The following WIPF2 variants were observed in gnomAD, a reference collection of about 807,000 sequenced individuals.
WIPF2 encodes WAS/WASL-interacting protein family member 2.
WIPF2 carries 23 observed loss-of-function variants against 38.8 expected under a neutral mutation model. The observed-to-expected ratio is 0.59, with a 90% CI of 0.43 to 0.84. The LOEUF (loss-of-function observed/expected upper bound fraction) is 0.84. Ranked by LOEUF, WIPF2 falls within the 40% of genes least tolerant of loss-of-function variation. WIPF2 has a pLI of 0.00. For missense variants in WIPF2, 574 were observed against 580.5 expected, an observed-to-expected ratio of 0.99 and a Z score of 0.11; for synonymous variants, 210 against 223.2, an observed-to-expected ratio of 0.94 and a Z score of 0.53.
chr17:40,227,640 G>A (rs1171100914), intron 1 of WIPF2, among the ~76,000 whole-genome samples: 1 of 151,788 alleles, frequency 6.6e-6, no homozygotes, highest in African/African-American at 2.4e-5. Flanking sequence ...ATCACCTGAG[G>A]TCAGAAGTTG....
chr17:40,250,219 G>GGTTTT (rs2071628747), intron 1 of WIPF2, among the ~76,000 whole-genome samples: 1 of 62,508 alleles, frequency 1.6e-5, no homozygotes, highest in Non-Finnish European at 3.1e-5. Flanking sequence ...ATTTTATCAT[G>GGTTTT]TTTTTTTTTT....
chr17:40,269,019 C>CA (rs1020746466), intron 5 of WIPF2, among the ~76,000 whole-genome samples: 9 of 151,750 alleles, frequency 5.9e-5, no homozygotes, highest in Admixed American at 3.3e-4. Flanking sequence ...CCCATTACTA[C>CA]AAAAAATAAA....
intron 5 of WIPF2, among the ~76,000 whole-genome samples, chr17:40,270,788 C>T (rs1478203563): frequency 6.6e-6 from 1 of 152,042 alleles, no homozygotes. Flanking sequence ...TCCCCTGTTT[C>T]TACTGAACAA....
At chr17:40,272,474 T>G (rs1237171568) in intron 5 of WIPF2, among the ~76,000 whole-genome samples, 1 of 152,232 alleles carries the variant, frequency 6.6e-6, no homozygotes, top group African/African-American at 2.4e-5. Flanking sequence ...AGACTGTTAC[T>G]GGACATATGT....
chr17:40,273,677 A>G (rs1478816595), intron 5 of WIPF2, 113 bp from the exon 6 acceptor site: 2 of 679,098 alleles, frequency 2.9e-6, no homozygotes, highest in Non-Finnish European at 5.3e-6. Context: ...AAGGGGAACC[A>G]GGCACTGTGA....
intron 1 of WIPF2, among the ~76,000 whole-genome samples, chr17:40,256,135 A>G (rs1315481040): frequency 6.6e-6 from 1 of 151,838 alleles, no homozygotes; most frequent in African/African-American, 2.4e-5. Context: ...CAAGGCCTAA[A>G]TAGACACCTT....
chr17:40,240,343 G>A (rs764723036), intron 1 of WIPF2, among the ~76,000 whole-genome samples: 1 of 152,012 alleles, frequency 6.6e-6, no homozygotes, highest in Non-Finnish European at 1.5e-5. Flanking sequence ...GGGATTACAG[G>A]TGTGAGCCAC....
chr17:40,260,519 T>C lies in WIPF2; in HGVS notation c.64-16T>C. The stretch of plus-strand genomic sequence containing the variant: ...GGAACTCTTTAGGGTGAACTTATAT[T>C]TCTCTTATCCTCCAGGCAAACACAG... On this transcript the variant is annotated splice_polypyrimidine_tract_variant and intron_variant, in intron 2 of 7. Coordinates refer to ENST00000323571, the MANE Select transcript of WIPF2 (RefSeq NM_133264.5). 1 of 1,613,092 alleles carries C rather than the reference T, an allele frequency of 6.2e-7. No homozygotes were observed. The highest frequency in any genetic ancestry group is 8.5e-7 in the Non-Finnish European group (1 of 1,179,470).
chr17:40,234,787 G>A (rs966024001), intron 1 of WIPF2, among the ~76,000 whole-genome samples: 1 of 152,104 alleles, frequency 6.6e-6, no homozygotes. Flanking sequence ...ACCAAAACAG[G>A]CAGTTTGCAG....
chr17:40,266,066 A>G (rs904273949), intron 5 of WIPF2, among the ~76,000 whole-genome samples: 11 of 152,084 alleles, frequency 7.2e-5, no homozygotes, highest in East Asian at 1.9e-4. Context: ...ATACATTTGA[A>G]TGGTGTTGAA....
chr17:40,246,207 C>G (rs1376354951), intron 1 of WIPF2, among the ~76,000 whole-genome samples: 1 of 151,552 alleles, frequency 6.6e-6, no homozygotes, highest in Non-Finnish European at 1.5e-5. Context: ...CTGCCTCAGC[C>G]TCCAGAGTAG....
At chr17:40,227,468 T>C (rs2030542715) in intron 1 of WIPF2, among the ~76,000 whole-genome samples, 1 of 152,056 alleles carries the variant, frequency 6.6e-6, no homozygotes. Flanking sequence ...AAAAAGAAAG[T>C]ATATAGTGAA....
chr17:40,266,260 A>G (rs1007981054), intron 5 of WIPF2, among the ~76,000 whole-genome samples: 1 of 148,436 alleles, frequency 6.7e-6, no homozygotes, highest in Non-Finnish European at 1.5e-5. Context: ...AAAAAAAATG[A>G]GGGCTGAGCC....
At chr17:40,250,787 C>T (rs2031533654) in intron 1 of WIPF2, among the ~76,000 whole-genome samples, 1 of 151,918 alleles carries the variant, frequency 6.6e-6, no homozygotes, top group African/African-American at 2.4e-5. Flanking sequence ...AGATTCTTAG[C>T]TGCACGTGGT....
intron 6 of WIPF2, among the ~76,000 whole-genome samples, chr17:40,274,404 TATTATTTTTTA>T (rs1265042924): frequency 7.3e-5 from 11 of 151,682 alleles, no homozygotes; most frequent in Admixed American, 2.6e-4. Context: ...TTCTTGGAAT[TATTATTTTTTA>T]ATTATTTTTT....
chr17:40,228,794 T>G (rs2030611009), intron 1 of WIPF2, among the ~76,000 whole-genome samples: 1 of 151,824 alleles, frequency 6.6e-6, no homozygotes, highest in African/African-American at 2.4e-5. Flanking sequence ...TTTTTAAAAT[T>G]TTTTGTAGAC....
In WIPF2 at chr17:40,264,326, CAAAAAAAAAAAAAAA is replaced by C. The variant is rs772320240; in HGVS notation, c.314-151_314-137del. On this transcript the variant is annotated intron_variant, in intron 4 of 7. Coordinates refer to ENST00000323571, the MANE Select transcript of WIPF2 (RefSeq NM_133264.5). Reference sequence around the variant, plus strand: ...AGGCAACAACAGCGAAACTTCGTCTCAAAAAAAAAAAAAAAAAAAAAAAAAAAGAAAAACAAAAAA... The same window carrying C: ...AGGCAACAACAGCGAAACTTCGTCTCAAAAAAAAAAAAGAAAAACAAAAAA... 2.2e-3 allele frequency among the ~76,000 whole-genome samples: 53 copies of C among 23,968 alleles called. 1 individual carries two copies. Among genetic ancestry groups the C allele is most frequent in the Admixed American group, 0.012 (24 of 1,982 alleles). The allele number at this position is 23,968 out of a possible 152,430, so 15.7% of individuals were successfully genotyped here. A position where few individuals can be genotyped will look rare whatever the true frequency, so the allele number is the denominator to read the frequency against.
chr17:40,231,824 A>G (rs2030752909), intron 1 of WIPF2, among the ~76,000 whole-genome samples: 1 of 151,348 alleles, frequency 6.6e-6, no homozygotes, highest in South Asian at 2.1e-4. Flanking sequence ...ATCTGAGAAG[A>G]GCTGTTTTTT....
intron 1 of WIPF2, among the ~76,000 whole-genome samples, chr17:40,250,379 C>T (rs563340719): frequency 1.4e-4 from 21 of 150,006 alleles, no homozygotes; most frequent in East Asian, 3.9e-4. Context: ...TACAGGTGCC[C>T]GCTGCCATGC....
Sources: allele counts gnomAD v4.1 joint callset (sites outside exome capture counted in the v4.1 genomes callset), GRCh38; gene constraint gnomAD v4.1.1; transcripts MANE v1.5; gene names NCBI Gene and HGNC (gene_info 2026-07-23, HGNC 2026-07-21).